Variants in FAT4 observed in about 807,000 individuals in gnomAD.
FAT4 encodes protocadherin Fat 4.
Under a neutral mutation model 303.9 loss-of-function variants are expected in FAT4, and 84 were observed. That is an observed-to-expected ratio of 0.28 (90% CI 0.23 to 0.33). The LOEUF (loss-of-function observed/expected upper bound fraction) is 0.33, where lower values mean the gene tolerates loss of function less well. FAT4 is among the 10% of genes least tolerant of loss of function. The probability of loss-of-function intolerance (pLI) is 1.00; values close to 1 mark genes in which losing one functional copy is unlikely to be tolerated. For synonymous variants in FAT4, 2,307 were observed against 2,298.8 expected, an observed-to-expected ratio of 1.00 and a Z score of -0.10; for missense variants, 6,005 against 6,146.8, an observed-to-expected ratio of 0.98 and a Z score of 0.77.
chr4:125,414,437 A>T (rs971672095), intron 5 of FAT4, among the ~76,000 whole-genome samples: 9 of 152,166 alleles, frequency 5.9e-5, no homozygotes, highest in African/African-American at 2.2e-4. Context: ...ATAGGAATTA[A>T]TAAGTATTTA....
chr4:125,323,666 C>T (rs1347138973), intron 2 of FAT4, among the ~76,000 whole-genome samples: 2 of 152,118 alleles, frequency 1.3e-5, no homozygotes, highest in Admixed American at 1.3e-4. Flanking sequence ...GCTAGAATTT[C>T]ATATTATTAT....
intron 15 of FAT4, among the ~76,000 whole-genome samples, chr4:125,480,120 T>G (rs1727175026): frequency 6.6e-6 from 1 of 152,146 alleles, no homozygotes; most frequent in South Asian, 2.1e-4. Context: ...TATTCACTTA[T>G]TTTTGTTTGT....
At chr4:125,366,726 CAT>C (rs1009830999) in intron 2 of FAT4, among the ~76,000 whole-genome samples, 10 of 151,996 alleles carry the variant, frequency 6.6e-5, no homozygotes, top group Admixed American at 4.6e-4. Flanking sequence ...ACGGTGTACA[CAT>C]GTTATTTTTT....
At chr4:125,356,405 A>G (rs1163434118) in intron 2 of FAT4, among the ~76,000 whole-genome samples, 1 of 152,018 alleles carries the variant, frequency 6.6e-6, no homozygotes, top group East Asian at 1.9e-4. Context: ...CTAATATGTA[A>G]CAGATTGTTA....
intron 2 of FAT4, among the ~76,000 whole-genome samples, chr4:125,386,787 A>C (rs1013039920): frequency 2.6e-5 from 4 of 152,152 alleles, no homozygotes; most frequent in Non-Finnish European, 4.4e-5. Context: ...CTCTAGAAAG[A>C]GACTTTAATT....
At position 125,318,970 on chromosome 4, in the gene FAT4, G is replaced by A; in HGVS notation, c.2559G>A (p.Val853=). ...QVTGQLTTAN[V]IDREEQSFYQ... is the part of the protein sequence containing the mutation. ...CTGGGCAGCTTACCACAGCAAATGT[G>A]ATTGATAGAGAAGAGCAATCCTTTT... The change falls in exon 2 of 18, where the codon GTG becomes GTA. Residue 853 remains valine, a synonymous_variant. Transcript: ENST00000394329. 3 of 1,614,180 alleles carry A rather than the reference G, an allele frequency of 1.9e-6. No homozygotes were observed. The highest frequency in any genetic ancestry group is 2.5e-6 in the Non-Finnish European group (3 of 1,180,028).
chr4:125,450,335 A>T lies in FAT4; in HGVS notation c.9325A>T (p.Ile3109Phe), dbSNP rs754317822. 6.2e-7 allele frequency: 1 copy of T among 1,614,014 alleles called. No individual in the cohort carries two copies. Among genetic ancestry groups the T allele is most frequent in the South Asian group, 1.1e-5 (1 of 91,090 alleles). ...CCCTGAGAGCCATAGCATTGGGTCC[A>T]TTGTCAGAACTGTTTCTGCAAGAGA... ...TIPESHSIGS[I>F]VRTVSARDRD... is the part of the protein sequence containing the mutation. Residue 3109 changes from isoleucine to phenylalanine, a missense_variant, in exon 10 of 18, where the codon ATT (isoleucine) becomes TTT (phenylalanine). By Grantham distance (21) the Ile-to-Phe change is conservative (BLOSUM62 0). Transcript: ENST00000394329.
At chr4:125,373,710 C>A (rs1185160506) in intron 2 of FAT4, among the ~76,000 whole-genome samples, 1 of 152,048 alleles carries the variant, frequency 6.6e-6, no homozygotes, top group Non-Finnish European at 1.5e-5. Flanking sequence ...CTTTTCTTAT[C>A]TAGAGATTAC....
At chr4:125,336,317 A>G (rs1731575291) in intron 2 of FAT4, among the ~76,000 whole-genome samples, 2 of 152,028 alleles carry the variant, frequency 1.3e-5, no homozygotes, top group Non-Finnish European at 2.9e-5. Context: ...TTTTGCATTT[A>G]TTTATTTTAA....
At chr4:125,380,585 T>TA (rs1337428017) in intron 2 of FAT4, among the ~76,000 whole-genome samples, 1 of 152,202 alleles carries the variant, frequency 6.6e-6, no homozygotes, top group Non-Finnish European at 1.5e-5. Context: ...ATTCTCTTAT[T>TA]AAAAATTATT....
intron 11 of FAT4, among the ~76,000 whole-genome samples, chr4:125,466,992 T>C (rs1404028245): frequency 6.6e-6 from 1 of 152,000 alleles, no homozygotes; most frequent in Non-Finnish European, 1.5e-5. Context: ...TTAGCCAGGA[T>C]GGTCTTGATC....
chr4:125,390,143 A>T (rs1338724396), intron 2 of FAT4, among the ~76,000 whole-genome samples: 1 of 152,186 alleles, frequency 6.6e-6, no homozygotes, highest in Non-Finnish European at 1.5e-5. Context: ...AGAAATGGAA[A>T]TATTTAGAGC....
intron 3 of FAT4, among the ~76,000 whole-genome samples, chr4:125,404,033 C>T (rs954136068): frequency 1.3e-5 from 2 of 152,014 alleles, no homozygotes; most frequent in African/African-American, 4.8e-5. Context: ...AATTAGTGCC[C>T]TGGAATTGAT....
At chr4:125,458,219 G>A (rs922017065) in intron 10 of FAT4, among the ~76,000 whole-genome samples, 3 of 151,978 alleles carry the variant, frequency 2.0e-5, no homozygotes, top group Admixed American at 6.6e-5. Flanking sequence ...ATTAAGTCCC[G>A]ATATTTCAGG....
intron 2 of FAT4, among the ~76,000 whole-genome samples, chr4:125,327,278 C>T (rs146505024): frequency 6.6e-6 from 1 of 152,168 alleles, no homozygotes; most frequent in East Asian, 1.9e-4. Flanking sequence ...ACCTACAGCA[C>T]TATTCACTTT....
At position 125,398,864 on chromosome 4, in the gene FAT4, C is replaced by G; in HGVS notation, c.5256C>G (p.Asn1752Lys). The G allele has an allele frequency of 6.2e-7, 1 of 1,613,122 alleles. No homozygotes were observed. Among genetic ancestry groups the G allele is most frequent in the East Asian group, 2.2e-5 (1 of 44,846 alleles). Residue 1752 changes from asparagine (N) to lysine (K), a missense_variant, in exon 3 of 18, where the codon AAC becomes AAG. Physicochemically the swap from Asn to Lys is moderately conservative, Grantham distance 94. Transcript: ENST00000394329. ...TDMLDLTVEENIGDGSKIMQL... is the reference protein window; with the variant it reads ...TDMLDLTVEEKIGDGSKIMQL... ...TGCTGGATCTCACGGTAGAGGAGAA[C>G]ATTGGAGATGGCTCTAAGATTATGC...
chr4:125,387,945 T>G (rs906793), intron 2 of FAT4, among the ~76,000 whole-genome samples: 150,874 of 152,282 alleles, frequency 0.99, 74,747 homozygotes, highest in East Asian at 1. Flanking sequence ...AAAAATTCAC[T>G]TTTATCCTCA....
At chr4:125,416,724 T>C in intron 7 of FAT4, 102 bp downstream of exon 7, 5 of 1,164,544 alleles carry the variant, frequency 4.3e-6, no homozygotes, top group Non-Finnish European at 6.1e-6. Context: ...GGTGGATGGA[T>C]TACTTGAGGT....
intron 12 of FAT4, among the ~76,000 whole-genome samples, chr4:125,475,413 T>C (rs1173517141): frequency 1.3e-5 from 2 of 152,086 alleles, no homozygotes; most frequent in Non-Finnish European, 2.9e-5. Flanking sequence ...TGTTTATCAA[T>C]CAAAAGGAGT....
Sources: allele counts gnomAD v4.1 joint callset (sites outside exome capture counted in the v4.1 genomes callset), GRCh38; gene constraint gnomAD v4.1.1; transcripts MANE v1.5; gene names NCBI Gene and HGNC (gene_info 2026-07-23, HGNC 2026-07-21).